Variants in RBFOX1 observed in about 807,000 individuals in gnomAD.
The protein encoded by RBFOX1 is RNA binding protein fox-1 homolog 1.
A neutral mutation model predicts 57.7 loss-of-function variants in RBFOX1; 8 were observed. The observed-to-expected ratio is 0.14, with a 90% CI of 0.08 to 0.25. RBFOX1 has a LOEUF of 0.25. Among genes scored for constraint, RBFOX1 ranks in the 10% least tolerant of loss-of-function variants. The probability of loss-of-function intolerance (pLI) is 1.00; values close to 1 mark genes in which losing one functional copy is unlikely to be tolerated. For missense variants in RBFOX1, 611 were observed against 548.5 expected (o/e 1.11, Z -1.14); for synonymous variants, 326 against 222.4 (o/e 1.47, Z -4.15).
At chr16:5,733,804 C>A (rs1337247508) in intron 3 of RBFOX1, among the ~76,000 whole-genome samples, 1 of 151,852 alleles carries the variant, frequency 6.6e-6, no homozygotes, top group African/African-American at 2.4e-5. Flanking sequence ...TCCTTCTCAC[C>A]TTTCCTTCCC....
rs891841340 is a variant in RBFOX1, at chr16:6,019,978, C to T, written c.-141C>T. ...CCGAGAACGTGACCGCAGCCGGGCTCGCCGGGAGTTCTAGGTAAGTCCAGG... is the reference window on the plus strand; with the variant it reads ...CCGAGAACGTGACCGCAGCCGGGCTTGCCGGGAGTTCTAGGTAAGTCCAGG... On this transcript the variant is annotated 5_prime_UTR_variant, in exon 1 of 16. Transcript: ENST00000550418. This position sits in a 1 kb window ranked among gnomAD's most constrained non-coding sequence, Gnocchi z 4.2. The T allele has an allele frequency of 6.5e-7, 1 of 1,529,698 alleles. No individual in the cohort carries two copies. Among genetic ancestry groups the T allele is most frequent in the Admixed American group, 2.0e-5 (1 of 50,672 alleles). 94.8% of individuals were successfully genotyped at this position (1,529,698 alleles called of 1,614,324 possible).
At chr16:6,027,009 G>A (rs778975807) in intron 1 of RBFOX1, among the ~76,000 whole-genome samples, 2 of 152,238 alleles carry the variant, frequency 1.3e-5, no homozygotes, top group Non-Finnish European at 2.9e-5. Context: ...ATCTTTGCCA[G>A]CATAATGGAT....
intron 1 of RBFOX1, among the ~76,000 whole-genome samples, chr16:5,355,230 G>T: frequency 6.6e-6 from 1 of 152,112 alleles, no homozygotes; most frequent in Non-Finnish European, 1.5e-5. Context: ...GTTAGTTCAG[G>T]CCCCAGCAGG....
At chr16:7,448,164 G>T (rs531604268) in intron 4 of RBFOX1, among the ~76,000 whole-genome samples, 1 of 152,180 alleles carries the variant, frequency 6.6e-6, no homozygotes, top group South Asian at 2.1e-4. Flanking sequence ...CCCTTCCATA[G>T]CAAATTACTG....
At chr16:5,525,864 G>A (rs992314913) in intron 2 of RBFOX1, among the ~76,000 whole-genome samples, 2 of 151,948 alleles carry the variant, frequency 1.3e-5, no homozygotes, top group Non-Finnish European at 2.9e-5. Flanking sequence ...TGCACCAAGT[G>A]GCAAATTTTT....
chr16:5,360,727 A>C (rs1490528265), intron 1 of RBFOX1, among the ~76,000 whole-genome samples: 1 of 152,220 alleles, frequency 6.6e-6, no homozygotes, highest in Non-Finnish European at 1.5e-5. Flanking sequence ...AAGGCTAGAG[A>C]TCTCGACAGC....
chr16:6,934,594 C>A (rs534273370), intron 3 of RBFOX1, among the ~76,000 whole-genome samples: 1 of 152,130 alleles, frequency 6.6e-6, no homozygotes, highest in Non-Finnish European at 1.5e-5. Flanking sequence ...TCATTTGCAG[C>A]AGCACAGATG....
intron 4 of RBFOX1, among the ~76,000 whole-genome samples, chr16:7,465,318 G>C (rs1411787526): frequency 6.6e-6 from 1 of 152,188 alleles, no homozygotes; most frequent in Non-Finnish European, 1.5e-5. Flanking sequence ...CTGCCTTCTC[G>C]TGTTGGGTGG....
chr16:6,770,343 G>T (rs558607922), intron 3 of RBFOX1, among the ~76,000 whole-genome samples: 1 of 152,110 alleles, frequency 6.6e-6, no homozygotes, highest in Non-Finnish European at 1.5e-5. Flanking sequence ...ATGCAACAGG[G>T]CAGGGGTTGG....
intron 2 of RBFOX1, among the ~76,000 whole-genome samples, chr16:5,554,923 C>T (rs1438773660): frequency 2.0e-5 from 3 of 152,214 alleles, no homozygotes; most frequent in Non-Finnish European, 4.4e-5. Flanking sequence ...TGACCACTTT[C>T]TGATTCAAGG....
chr16:7,524,074 G>A (rs1445191816), intron 5 of RBFOX1, among the ~76,000 whole-genome samples: 1 of 152,164 alleles, frequency 6.6e-6, no homozygotes, highest in East Asian at 1.9e-4. Context: ...ACCTGGAATA[G>A]CTCTAACTCT....
chr16:6,158,954 G>C (rs2096857831), intron 1 of RBFOX1, among the ~76,000 whole-genome samples: 2 of 151,752 alleles, frequency 1.3e-5, no homozygotes, highest in Non-Finnish European at 2.9e-5. Context: ...CCAGGCTGGA[G>C]TACAGTAGTG....
At chr16:7,595,772 A>T (rs999825639) in intron 8 of RBFOX1, 131 bp downstream of exon 8, 82 of 349,266 alleles carry the variant, frequency 2.3e-4, no homozygotes, top group South Asian at 6.3e-4. Flanking sequence ...ATATATATAT[A>T]TATTTTTATA....
At position 7,709,236 on chromosome 16, in the gene RBFOX1, A is replaced by G; in HGVS notation, c.1071+105A>G. On this transcript the variant is annotated intron_variant, in intron 15 of 15. Transcript: ENST00000550418. The stretch of plus-strand genomic sequence containing the variant: ...CGTCCTCTCACTTCCCGTTAATTGA[A>G]TTTGTCTCTTGTGCTAACAGCAGCT... The G allele has an allele frequency of 2.6e-6, 3 of 1,167,648 alleles. No individual in the cohort carries two copies. The South Asian group carries it at 4.4e-5, about 17-fold the overall frequency. The allele number at this position is 1,167,648 out of a possible 1,614,324, so 72.3% of individuals were successfully genotyped here.
At chr16:7,320,255 T>G (rs760635113) in intron 4 of RBFOX1, among the ~76,000 whole-genome samples, 20 of 151,624 alleles carry the variant, frequency 1.3e-4, no homozygotes, top group Admixed American at 6.6e-5. Context: ...CAGGCCCCAG[T>G]GTGTGTTGTT....
intron 3 of RBFOX1, among the ~76,000 whole-genome samples, chr16:5,679,083 C>G (rs908436569): frequency 6.6e-6 from 1 of 152,178 alleles, no homozygotes; most frequent in Non-Finnish European, 1.5e-5. Flanking sequence ...CAATTCATTA[C>G]TCCATTTATG....
intron 4 of RBFOX1, among the ~76,000 whole-genome samples, chr16:5,892,064 C>T (rs1475966862): frequency 6.6e-6 from 1 of 152,188 alleles, no homozygotes. Context: ...CCGTTAGGCA[C>T]ATCAGTGAGC....
intron 1 of RBFOX1, among the ~76,000 whole-genome samples, chr16:6,171,337 A>G (rs758059101): frequency 5.3e-5 from 8 of 152,302 alleles, no homozygotes; most frequent in South Asian, 2.1e-4. Context: ...TGCATCCCCT[A>G]TTGTTGAGCA....
At chr16:6,348,787 G>C (rs941892605) in intron 2 of RBFOX1, among the ~76,000 whole-genome samples, 10 of 152,048 alleles carry the variant, frequency 6.6e-5, no homozygotes, top group African/African-American at 2.2e-4. Context: ...CCACACCCTT[G>C]ATCCCATCAC....
Sources: allele counts gnomAD v4.1 joint callset (sites outside exome capture counted in the v4.1 genomes callset), GRCh38; gene constraint gnomAD v4.1.1; non-coding constraint Gnocchi (gnomAD v3.1); transcripts MANE v1.5; gene names NCBI Gene and HGNC (gene_info 2026-07-23, HGNC 2026-07-21).